TRPC4: variants seen among roughly 807,000 people sequenced by gnomAD.
The protein encoded by TRPC4 is transient receptor potential cation channel subfamily C member 4.
A neutral mutation model predicts 99.4 loss-of-function variants in TRPC4; 49 were observed. The observed-to-expected ratio is 0.49, with a 90% confidence interval of 0.39 to 0.63. The LOEUF (loss-of-function observed/expected upper bound fraction) is 0.63, where lower values mean the gene tolerates loss of function less well. Ranked by LOEUF, TRPC4 falls within the 20% of genes least tolerant of loss-of-function variation. The pLI is 0.00. For missense variants in TRPC4, 898 were observed against 1,152.9 expected (o/e 0.78, Z 3.20); for synonymous variants, 454 against 425.9 (o/e 1.07, Z -0.81).
At chr13:37,861,801 A>C (rs574132039) in intron 1 of TRPC4, among the ~76,000 whole-genome samples, 2 of 151,644 alleles carry the variant, frequency 1.3e-5, no homozygotes, top group African/African-American at 4.8e-5. Context: ...TTTATACAGC[A>C]CATGCAGAGG....
At chr13:37,767,973 G>T (rs1019845844) in intron 2 of TRPC4, among the ~76,000 whole-genome samples, 1 of 151,364 alleles carries the variant, frequency 6.6e-6, no homozygotes, top group African/African-American at 2.4e-5. Context: ...TCAATGGACT[G>T]AAAAATAGTT....
In TRPC4 at chr13:37,634,938, A is replaced by G. The variant is rs1290208861; in HGVS notation, c.*1965T>C. ...CTATCTGGCCCATTCCTAAATTCCC[A>G]AAAACCAGGTTTAGGAGTGAACAGG... On this transcript the variant is annotated 3_prime_UTR_variant, in exon 11 of 11. Transcript: ENST00000379705. Among the ~76,000 whole-genome samples the G allele has an allele frequency of 3.3e-5, 5 of 152,044 alleles. No homozygotes were observed. In the South Asian group the frequency reaches 1.0e-3, roughly 32 times the overall value.
intron 1 of TRPC4, among the ~76,000 whole-genome samples, chr13:37,860,392 A>G (rs926912599): frequency 2.6e-5 from 4 of 151,444 alleles, no homozygotes; most frequent in African/African-American, 9.7e-5. Context: ...AGAACAATAG[A>G]TCATTTTTCT....
chr13:37,783,221 T>C lies in TRPC4; in HGVS notation c.113A>G (p.Asn38Ser). The change falls in exon 2 of 11, where the codon AAT (asparagine) becomes AGT (serine). Residue 38 changes from asparagine (N) to serine (S), a missense_variant. Coordinates refer to ENST00000379705, the MANE Select transcript of TRPC4 (RefSeq NM_016179.4). ...ELSPSEKAYLNAVEKGDYASV... is the reference protein window; with the variant it reads ...ELSPSEKAYLSAVEKGDYASV... ...GGCATAATCTCCCTTTTCCACAGCA[T>C]TCAAGTAGGCTTTTTCTGATGGCGA... The C allele has an allele frequency of 1.2e-6, 2 of 1,613,714 alleles. No individual in the cohort carries two copies. The highest frequency in any genetic ancestry group is 1.1e-5 in the South Asian group (1 of 91,068).
Position 37,836,014 on chromosome 13 carries a change from CCCATG to C in TRPC4, c.-28+33576_-28+33580del, listed in dbSNP as rs1191526443. Among the ~76,000 whole-genome samples the C allele has an allele frequency of 3.6e-5, 5 of 140,046 alleles. No individual in the cohort carries two copies. In the South Asian group the frequency reaches 9.3e-4, roughly 26 times the overall value. The allele number at this position is 140,046 out of a possible 152,430, so 91.9% of individuals were successfully genotyped here. A position where few individuals can be genotyped will look rare whatever the true frequency, so the allele number is the denominator to read the frequency against. On this transcript the variant is annotated intron_variant, in intron 1 of 10. Transcript: ENST00000379705. Reference sequence around the variant, plus strand: ...AATTGAATCATGGGGGCAAGTCTTTCCCATGCTGTTCTCATGATAGTGAATAAGTC... The same window carrying C: ...AATTGAATCATGGGGGCAAGTCTTTCCTGTTCTCATGATAGTGAATAAGTC...
intron 1 of TRPC4, among the ~76,000 whole-genome samples, chr13:37,860,218 A>G (rs375000232): frequency 2.3e-3 from 350 of 151,612 alleles, no homozygotes; most frequent in African/African-American, 8.1e-3. Flanking sequence ...AACATCAGTA[A>G]TATATCAAGT....
At chr13:37,815,479 G>A (rs1281626063) in intron 1 of TRPC4, among the ~76,000 whole-genome samples, 1 of 151,602 alleles carries the variant, frequency 6.6e-6, no homozygotes, top group Non-Finnish European at 1.5e-5. Flanking sequence ...TTCAATTTCA[G>A]ACAAAACAGA....
chr13:37,736,225 G>T (rs1463009903), intron 3 of TRPC4, among the ~76,000 whole-genome samples: 1 of 152,122 alleles, frequency 6.6e-6, no homozygotes, highest in Non-Finnish European at 1.5e-5. Context: ...CCTAGGAGGG[G>T]GCTGGGGTAG....
chr13:37,758,680 T>C (rs1244661678), intron 2 of TRPC4, among the ~76,000 whole-genome samples: 1 of 151,820 alleles, frequency 6.6e-6, no homozygotes, highest in South Asian at 2.1e-4. Context: ...TAATTCGACA[T>C]GTGTATGCAG....
intron 1 of TRPC4, among the ~76,000 whole-genome samples, chr13:37,807,077 A>G (rs1957545827): frequency 6.6e-6 from 1 of 152,116 alleles, no homozygotes; most frequent in South Asian, 2.1e-4. Context: ...GCATCTTAAA[A>G]AATTGAACTT....
chr13:37,797,475 T>C (rs763778462), intron 1 of TRPC4, among the ~76,000 whole-genome samples: 6 of 152,190 alleles, frequency 3.9e-5, no homozygotes, highest in Admixed American at 2.0e-4. Context: ...GTTCTCTGAA[T>C]AGCAATTCAG....
chr13:37,679,975 A>G (rs2138802787), intron 4 of TRPC4, among the ~76,000 whole-genome samples: 1 of 152,310 alleles, frequency 6.6e-6, no homozygotes, highest in Non-Finnish European at 1.5e-5. Context: ...CGCAGAATTC[A>G]ATAGACAACC....
At chr13:37,740,332 T>C (rs1167447775) in intron 3 of TRPC4, among the ~76,000 whole-genome samples, 2 of 140,036 alleles carry the variant, frequency 1.4e-5, no homozygotes, top group Admixed American at 6.7e-5. Flanking sequence ...GTGGTGTTTT[T>C]AATTTGTTTG....
chr13:37,739,504 ATTTT>A lies in TRPC4; in HGVS notation c.897+6429_897+6432del, dbSNP rs34228089. On this transcript the variant is annotated intron_variant, in intron 3 of 10. Coordinates refer to ENST00000379705, the MANE Select transcript of TRPC4 (RefSeq NM_016179.4). ...TGAGAAAAAGTCTCCAAAGCATGAGATTTTTTTTTTTTTTTTTTTGAGATGGAGT... is the reference window on the plus strand; with the variant it reads ...TGAGAAAAAGTCTCCAAAGCATGAGATTTTTTTTTTTTTTTGAGATGGAGT... 9.3e-4 allele frequency among the ~76,000 whole-genome samples: 125 copies of A among 133,764 alleles called. 1 individual carries two copies. The highest frequency in any genetic ancestry group is 3.7e-3 in the Middle Eastern group (1 of 270). The allele number at this position is 133,764 out of a possible 152,430, so 87.8% of individuals were successfully genotyped here. A position where few individuals can be genotyped will look rare whatever the true frequency, so the allele number is the denominator to read the frequency against.
chr13:37,656,158 A>G (rs1034969346), intron 6 of TRPC4, among the ~76,000 whole-genome samples: 3 of 152,180 alleles, frequency 2.0e-5, no homozygotes, highest in African/African-American at 7.2e-5. Flanking sequence ...CTTACTCCAA[A>G]AAATGAAATA....
intron 2 of TRPC4, among the ~76,000 whole-genome samples, chr13:37,763,847 T>G (rs544991110): frequency 6.6e-6 from 1 of 151,670 alleles, no homozygotes; most frequent in South Asian, 2.1e-4. Flanking sequence ...ATTTTGACGT[T>G]GGAGGTAGAA....
intron 8 of TRPC4, among the ~76,000 whole-genome samples, chr13:37,645,960 A>T (rs1386500255): frequency 6.6e-6 from 1 of 152,332 alleles, no homozygotes; most frequent in African/African-American, 2.4e-5. Flanking sequence ...ATCCGGAGAC[A>T]CTCACGGATG....
chr13:37,738,615 C>A (rs1040004495), intron 3 of TRPC4, among the ~76,000 whole-genome samples: 1 of 152,084 alleles, frequency 6.6e-6, no homozygotes, highest in African/African-American at 2.4e-5. Context: ...GTAGTGTTTA[C>A]AAACTTCCCA....
intron 1 of TRPC4, among the ~76,000 whole-genome samples, chr13:37,787,856 C>T (rs1391689532): frequency 6.6e-6 from 1 of 152,016 alleles, no homozygotes; most frequent in South Asian, 2.1e-4. Flanking sequence ...TTAGATTGAA[C>T]AAGTACCACA....
Sources: gnomAD v4.1 joint callset for allele counts (sites outside exome capture counted in the v4.1 genomes callset) on GRCh38, gnomAD v4.1.1 for gene constraint, MANE v1.5 for transcripts, NCBI Gene and HGNC (gene_info 2026-07-23, HGNC 2026-07-21) for gene names.